TENM2: variants seen among roughly 807,000 people sequenced by gnomAD.
The protein encoded by TENM2 is teneurin-2.
TENM2 carries 52 observed loss-of-function variants against 245.2 expected under a neutral mutation model. The ratio of observed to expected loss-of-function variants is 0.21; its 90% confidence interval spans 0.17 to 0.27. The LOEUF is 0.27. TENM2 is among the 10% of genes least tolerant of loss of function. TENM2 has a pLI of 1.00. For synonymous variants in TENM2, 1,363 were observed against 1,438.9 expected, an observed-to-expected ratio of 0.95 and a Z score of 1.19; for missense variants, 3,046 against 3,666.8, an observed-to-expected ratio of 0.83 and a Z score of 4.37.
intron 2 of TENM2, among the ~76,000 whole-genome samples, chr5:167,480,527 A>G (rs1008834701): frequency 2.6e-5 from 4 of 152,182 alleles, no homozygotes; most frequent in Non-Finnish European, 4.4e-5. Flanking sequence ...ACAACTTCTG[A>G]AACTCTAGTG....
intron 13 of TENM2, among the ~76,000 whole-genome samples, chr5:168,176,771 A>T (rs1759399132): frequency 6.6e-6 from 1 of 152,252 alleles, no homozygotes; most frequent in African/African-American, 2.4e-5. Flanking sequence ...GTTTGGGATC[A>T]GAAGCAATTG....
At chr5:167,760,662 T>C (rs898583550) in intron 2 of TENM2, among the ~76,000 whole-genome samples, 5 of 152,154 alleles carry the variant, frequency 3.3e-5, no homozygotes, top group African/African-American at 1.2e-4. Context: ...GTTGTTGCTG[T>C]TGTTGTTTTG....
the TENM2 span, among the ~76,000 whole-genome samples, chr5:167,185,436 A>C: frequency 6.6e-6 from 1 of 152,154 alleles, no homozygotes; most frequent in Non-Finnish European, 1.5e-5. Context: ...GCACATTTTT[A>C]TGCATGTATA....
chr5:167,360,300 A>G (rs552577815), intron 1 of TENM2, among the ~76,000 whole-genome samples: 7 of 152,342 alleles, frequency 4.6e-5, no homozygotes, highest in African/African-American at 1.7e-4. Flanking sequence ...ATCTCAGCCA[A>G]AATAGAAGCT....
intron 2 of TENM2, among the ~76,000 whole-genome samples, chr5:167,453,970 G>T (rs988622639): frequency 5.9e-5 from 9 of 152,178 alleles, no homozygotes; most frequent in African/African-American, 2.2e-4. Flanking sequence ...TAGGGACATG[G>T]GTAATCAATG....
intron 2 of TENM2, chr5:167,754,914 G>GA (rs1382201608): frequency 8.9e-7 from 1 of 1,122,838 alleles, no homozygotes; most frequent in Non-Finnish European, 1.2e-6. Flanking sequence ...AGGGAGGAGG[G>GA]AGAGAGCAGA....
chr5:167,824,524 G>T (rs1436517940), intron 2 of TENM2, among the ~76,000 whole-genome samples: 3 of 152,166 alleles, frequency 2.0e-5, no homozygotes, highest in African/African-American at 7.2e-5. Flanking sequence ...AGGGGCAGGG[G>T]TCTCCACACC....
At chr5:167,374,508 A>C in intron 1 of TENM2, among the ~76,000 whole-genome samples, 1 of 152,292 alleles carries the variant, frequency 6.6e-6, no homozygotes, top group Admixed American at 6.5e-5. Context: ...ACCCTGAGAA[A>C]ATTTTAAGAG....
the TENM2 span, among the ~76,000 whole-genome samples, chr5:167,027,573 A>G: frequency 1.3e-5 from 2 of 152,194 alleles, no homozygotes; most frequent in Non-Finnish European, 2.9e-5. Context: ...ATCGTGTATT[A>G]TTTTTAGAAA....
At chr5:167,703,498 C>A (rs1259006472) in intron 2 of TENM2, among the ~76,000 whole-genome samples, 2 of 136,912 alleles carry the variant, frequency 1.5e-5, no homozygotes, top group East Asian at 4.7e-4. Flanking sequence ...CACCAATGTA[C>A]TCCAACCTGG....
At chr5:167,205,256 C>CG in the TENM2 span, among the ~76,000 whole-genome samples, 2 of 152,268 alleles carry the variant, frequency 1.3e-5, no homozygotes, top group East Asian at 1.9e-4. Context: ...TGGTGCACAC[C>CG]TGTAGTCTCA....
intron 3 of TENM2, among the ~76,000 whole-genome samples, chr5:167,935,585 C>T (rs1469955341): frequency 2.0e-5 from 3 of 152,008 alleles, no homozygotes; most frequent in African/African-American, 4.8e-5. Context: ...ACGAGAGTGG[C>T]GGGTGGGAAA....
Position 167,342,859 on chromosome 5 carries a change from A to ATT in TENM2, c.227-32325_227-32324dup, listed in dbSNP as rs34528128. The stretch of plus-strand genomic sequence containing the variant: ...TTCTTTATCGTCCTTTCCATGATGC[A>ATT]TTTTTTTTTTTTTTTGAAGAAAGTC... On this transcript the variant is annotated intron_variant, in intron 1 of 28. Transcript: ENST00000518659. 3.3e-3 allele frequency among the ~76,000 whole-genome samples: 464 copies of ATT among 142,360 alleles called. 2 individuals carry two copies. The highest frequency in any genetic ancestry group is 0.011 in the Middle Eastern group (3 of 270). 93.4% of individuals were successfully genotyped at this position (142,360 alleles called of 152,430 possible). A position where few individuals can be genotyped will look rare whatever the true frequency, so the allele number is the denominator to read the frequency against.
At chr5:167,374,838 A>C (rs1158505597) in intron 1 of TENM2, among the ~76,000 whole-genome samples, 1 of 152,114 alleles carries the variant, frequency 6.6e-6, no homozygotes. Context: ...AAAAATATAA[A>C]AGTTGCAAAG....
chr5:167,516,651 T>C (rs1034568008), intron 2 of TENM2, among the ~76,000 whole-genome samples: 1 of 152,192 alleles, frequency 6.6e-6, no homozygotes, highest in Admixed American at 6.5e-5. Flanking sequence ...AATATAATGA[T>C]TTTCCACATC....
intron 12 of TENM2, among the ~76,000 whole-genome samples, chr5:168,135,657 G>T (rs78196183): frequency 0.014 from 2,169 of 152,052 alleles, 45 homozygotes; most frequent in African/African-American, 0.05. Context: ...ACAGTCTCAG[G>T]ATAATTAGAA....
At chr5:167,584,575 G>A (rs926394002) in intron 2 of TENM2, among the ~76,000 whole-genome samples, 3 of 152,166 alleles carry the variant, frequency 2.0e-5, no homozygotes, top group African/African-American at 7.2e-5. Context: ...TTTGTTATCT[G>A]GGCATGAAGA....
At chr5:168,251,978 T>G (rs531528331) in intron 27 of TENM2, among the ~76,000 whole-genome samples, 31 of 152,328 alleles carry the variant, frequency 2.0e-4, no homozygotes, top group Non-Finnish European at 4.0e-4. Context: ...TGGTTCCTTC[T>G]CACTTACAGG....
chr5:167,920,808 G>C (rs1258292998), intron 3 of TENM2, among the ~76,000 whole-genome samples: 1 of 152,284 alleles, frequency 6.6e-6, no homozygotes. Context: ...CAGTGACTAA[G>C]CAAACAGCCC....
Sources: allele counts gnomAD v4.1 joint callset (sites outside exome capture counted in the v4.1 genomes callset), GRCh38; gene constraint gnomAD v4.1.1; transcripts MANE v1.5; gene names NCBI Gene and HGNC (gene_info 2026-07-23, HGNC 2026-07-21).